Variants in MAN2B1 observed in about 807,000 individuals in gnomAD.
The protein encoded by MAN2B1 is lysosomal alpha-mannosidase.
MAN2B1 carries 99 observed loss-of-function variants against 127.5 expected under a neutral mutation model. The ratio of observed to expected loss-of-function variants is 0.78; its 90% CI spans 0.66 to 0.92. MAN2B1 has a LOEUF of 0.92. Among genes scored for constraint, MAN2B1 ranks in the 40% least tolerant of loss-of-function variants. MAN2B1 has a pLI of 0.00. For synonymous variants in MAN2B1, 573 were observed against 568.8 expected (o/e 1.01, Z -0.11); for missense variants, 1,304 against 1,384.8 (o/e 0.94, Z 0.93).
chr19:12,657,011 G>C lies in MAN2B1; in HGVS notation c.1465C>G (p.His489Asp), dbSNP rs746438346. ...TTTAGCTGTTGGCAAAAGGTGAAGT[G>C]ATCTTTGAAGCCTCTGAGCCGCGCC... ...ALARLRGFKD[H>D]FTFCQQLNIS... Residue 489 changes from histidine (H) to aspartate (D), a missense_variant, in exon 12 of 24, where the codon CAC (histidine) becomes GAC (aspartate). Coordinates refer to ENST00000456935, the MANE Select transcript of MAN2B1 (RefSeq NM_000528.4). The C allele has an allele frequency of 1.9e-6, 3 of 1,613,388 alleles. No homozygotes were observed. The highest frequency in any genetic ancestry group is 1.3e-5 in the African/African-American group (1 of 74,938).
In MAN2B1 at chr19:12,647,478, G is replaced by A. The variant is rs142248782; in HGVS notation, c.2785C>T (p.Arg929Cys). ...HQFAVGEDSG[R>C]NLSAPVTLNL... is the part of the protein sequence containing the mutation. ...AAGGTAACGGGGGCGCTCAGGTTAC[G>A]TCCGGAATCCTCTCCTACGGCAAAC... Residue 929 changes from arginine to cysteine, a missense_variant, in exon 22 of 24, where the codon CGT becomes TGT. By Grantham distance (180) the Arg-to-Cys change is radical. Coordinates refer to ENST00000456935, the MANE Select transcript of MAN2B1 (RefSeq NM_000528.4). This position sits in a 1 kb window ranked among gnomAD's most constrained non-coding sequence, Gnocchi z 4.9. 2.1e-5 allele frequency: 34 copies of A among 1,614,198 alleles called. No homozygotes were observed. The highest frequency in any genetic ancestry group is 1.1e-4 in the African/African-American group (8 of 75,048).
Position 12,650,153 on chromosome 19 carries a change from C to G in MAN2B1, c.2116G>C (p.Gly706Arg), listed in dbSNP as rs2023808379. 1 of 1,614,108 alleles carries G rather than the reference C, an allele frequency of 6.2e-7. No homozygotes were observed. Among genetic ancestry groups the G allele is most frequent in the East Asian group, 2.2e-5 (1 of 44,870 alleles). Reference protein sequence around the residue: ...WCSQVVRLYPGQRHLELEWSV... With the variant: ...WCSQVVRLYPRQRHLELEWSV... ...CACTCTAGCTCCAGGTGCCGCTGTC[C>G]TGGGTACAGGCGAACCACCTGGGAA... The change falls in exon 17 of 24, where the codon GGA (glycine) becomes CGA (arginine). Residue 706 changes from glycine to arginine, a missense_variant. By Grantham distance (125) the Gly-to-Arg change is moderately radical. Coordinates refer to ENST00000456935, the MANE Select transcript of MAN2B1 (RefSeq NM_000528.4).
At position 12,664,803 on chromosome 19, in the gene MAN2B1, G is replaced by A; in HGVS notation, c.619C>T (p.Leu207=). 6.2e-7 allele frequency: 1 copy of A among 1,613,258 alleles called. No individual in the cohort carries two copies. The highest frequency in any genetic ancestry group is 8.5e-7 in the Non-Finnish European group (1 of 1,179,796). The part of the protein sequence containing the change: ...PFGHSREQAS[L]FAQMGFDGFF... ...GTCCCGGGTCGCACCTGCGCAAACA[G>A]CGAGGCCTGCTCCCGAGAGTGGCCG... The change falls in exon 4 of 24, where the codon CTG becomes TTG. Residue 207 remains leucine (L), a synonymous_variant. Coordinates refer to ENST00000456935, the MANE Select transcript of MAN2B1 (RefSeq NM_000528.4).
In MAN2B1 at chr19:12,664,048, G is replaced by A. The variant is rs8104821; in HGVS notation, c.631-213C>T. Among the ~76,000 whole-genome samples, 42,608 of 151,990 alleles carry A rather than the reference G, an allele frequency of 0.28. 6,867 individuals carry two copies. Among genetic ancestry groups the A allele is most frequent in the Middle Eastern group, 0.43 (127 of 294 alleles). ...TTTTTGAGACCAGCCTGCACAACAC[G>A]GGCAGACTGTCTACAAAAAATTTAA... is the stretch of plus-strand genomic sequence containing the variant. On this transcript the variant is annotated intron_variant, in intron 4 of 23. Coordinates refer to ENST00000456935, the MANE Select transcript of MAN2B1 (RefSeq NM_000528.4).
At position 12,647,274 on chromosome 19, in the gene MAN2B1, A is replaced by T. The variant is rs1196276705; in HGVS notation, c.2882T>A (p.Leu961His). 6 of 1,614,022 alleles carry T rather than the reference A, an allele frequency of 3.7e-6. No individual in the cohort carries two copies. The highest frequency in any genetic ancestry group is 1.3e-5 in the African/African-American group (1 of 74,988). ...CTTGAGCCTGGAGGCTGCCTCGCGG[A>T]GCTGGTTGGCCACCAGCGTGGTCTC... ...LQETTLVANQ[L>H]REAASRLKWT... Residue 961 changes from leucine to histidine, a missense_variant, in exon 23 of 24, where the codon CTC (leucine) becomes CAC (histidine). Leu to His is a moderately conservative substitution (Grantham distance 99). Transcript: ENST00000456935. The surrounding 1 kb of genome is among the most constrained non-coding windows in gnomAD (Gnocchi z 4.9).
Position 12,656,969 on chromosome 19 carries a change from G to T in MAN2B1, c.1507C>A (p.Leu503Ile). The T allele has an allele frequency of 6.2e-7, 1 of 1,613,550 alleles. No homozygotes were observed. Among genetic ancestry groups the T allele is most frequent in the East Asian group, 2.2e-5 (1 of 44,872 alleles). The change falls in exon 12 of 24, where the codon CTC (leucine) becomes ATC (isoleucine). Residue 503 changes from leucine to isoleucine, a missense_variant. Coordinates refer to ENST00000456935, the MANE Select transcript of MAN2B1 (RefSeq NM_000528.4). ...CTCACGCGCGCCGCCGTCTGGCTGA[G>T]CGGGCAGATGCTGATGTTTAGCTGT... ...CQQLNISICP[L>I]SQTAARFQVI...
rs754654189 is a variant in MAN2B1 at position 12,658,530 on chromosome 19, A to G, written c.1027-20T>C. 4 of 1,613,092 alleles carry G rather than the reference A, an allele frequency of 2.5e-6. No homozygotes were observed. In the Admixed American group the frequency reaches 5.0e-5, roughly 20 times the overall value. On this transcript the variant is annotated intron_variant, in intron 7 of 23. Transcript: ENST00000456935. ...TGCCTGCTGCTGGGGGAGGCGACGG[A>G]GTGAGCCCTCGGGAGTCCGCACCTT...
At chr19:12,656,494 G>C in intron 13 of MAN2B1, 77 bp downstream of exon 13, 1 of 979,782 alleles carries the variant, frequency 1.0e-6, no homozygotes. Flanking sequence ...GGAAGCAGGC[G>C]ATATCCATGG....
intron 4 of MAN2B1, among the ~76,000 whole-genome samples, chr19:12,664,508 G>C (rs1468406547): frequency 6.6e-6 from 1 of 152,188 alleles, no homozygotes. Flanking sequence ...GTTTAGGGAG[G>C]AGCCAGGACC....
At chr19:12,657,270 C>T in intron 11 of MAN2B1, 176 bp downstream of exon 11, 1 of 719,810 alleles carries the variant, frequency 1.4e-6, no homozygotes, top group Non-Finnish European at 2.5e-6. Flanking sequence ...CTCCAAAGCC[C>T]CGCCCCGTTC....
chr19:12,656,664 G>A lies in MAN2B1; in HGVS notation c.1551C>T (p.Pro517=), dbSNP rs771310368. 12 of 1,613,882 alleles carry A rather than the reference G, an allele frequency of 7.4e-6. No individual in the cohort carries two copies. Among genetic ancestry groups the A allele is most frequent in the Non-Finnish European group, 9.3e-6 (11 of 1,179,836 alleles). The change falls in exon 13 of 24, where the codon CCC becomes CCT. Residue 517 remains proline, a synonymous_variant. Coordinates refer to ENST00000456935, the MANE Select transcript of MAN2B1 (RefSeq NM_000528.4). ...AARFQVIVYN[P]LGRKVNWMVR... Reference sequence around the variant, plus strand: ...CCATCCAATTCACCTTCCGCCCCAGGGGATTATAAACGATGACCTGGAACT... The same window carrying A: ...CCATCCAATTCACCTTCCGCCCCAGAGGATTATAAACGATGACCTGGAACT...
Position 12,647,739 on chromosome 19 carries a change from C to T in MAN2B1, c.2665-141G>A. 2 of 694,826 alleles carry T rather than the reference C, an allele frequency of 2.9e-6. No individual in the cohort carries two copies. Among genetic ancestry groups the T allele is most frequent in the Non-Finnish European group, 4.8e-6 (2 of 420,310 alleles). The allele number at this position is 694,826 out of a possible 1,614,324, so 43.0% of individuals were successfully genotyped here. ...AGGGGCAAGGCTCAGCCGAGAGGAGCGGCCAGGGCCGTGACAGGGAGGACT... is the reference window on the plus strand; with the variant it reads ...AGGGGCAAGGCTCAGCCGAGAGGAGTGGCCAGGGCCGTGACAGGGAGGACT... On this transcript the variant is annotated intron_variant, in intron 21 of 23. Coordinates refer to ENST00000456935, the MANE Select transcript of MAN2B1 (RefSeq NM_000528.4). This position sits in a 1 kb window ranked among gnomAD's most constrained non-coding sequence, Gnocchi z 4.9.
chr19:12,657,920 A>C (rs1248183884), intron 10 of MAN2B1, 143 bp downstream of exon 10: 1 of 762,788 alleles, frequency 1.3e-6, no homozygotes, highest in South Asian at 1.6e-5. Flanking sequence ...GCACCACTGC[A>C]CTCCAGCCTG....
chr19:12,664,123 G>A (rs922953146), intron 4 of MAN2B1, among the ~76,000 whole-genome samples: 3 of 152,134 alleles, frequency 2.0e-5, no homozygotes, highest in African/African-American at 7.2e-5. Context: ...CTACTAGGGG[G>A]GCTGAGACAG....
At chr19:12,649,301 T>A in intron 19 of MAN2B1, 40 bp downstream of exon 19, 1 of 1,604,158 alleles carries the variant, frequency 6.2e-7, no homozygotes, top group East Asian at 2.2e-5. Context: ...GTGATTCCCT[T>A]TCTATCGAGG....
rs1380713340 is a variant in MAN2B1, at chr19:12,657,492, G to A, written c.1373C>T (p.Ala458Val). Residue 458 changes from alanine to valine, a missense_variant, in exon 11 of 24, where the codon GCC becomes GTC. Transcript: ENST00000456935. ...CGCAAGCTGGCGCGCGTAGTCGTTG[G>A]CCACGTGCTGGCGGGAGGTGCCGCT... The part of the protein sequence containing the change: ...AVSGTSRQHV[A>V]NDYARQLAAG... The A allele has an allele frequency of 6.4e-7, 1 of 1,571,580 alleles. No individual in the cohort carries two copies. The highest frequency in any genetic ancestry group is 1.2e-5 in the South Asian group (1 of 85,688).
intron 6 of MAN2B1, 133 bp from the exon 7 acceptor site, chr19:12,661,509 G>A (rs559829832): frequency 3.1e-5 from 23 of 738,104 alleles, no homozygotes; most frequent in Non-Finnish European, 5.6e-5. Context: ...TGGGAGCGTG[G>A]GGACACAGAT....
In MAN2B1 at chr19:12,649,955, C is replaced by G; in HGVS notation, c.2225G>C (p.Arg742Pro). The change falls in exon 18 of 24, where the codon CGC (arginine) becomes CCC (proline). Residue 742 changes from arginine (R) to proline (P), a missense_variant. Transcript: ENST00000456935. The stretch of plus-strand genomic sequence containing the variant: ...CCGGCCATTGCTGTCTGTGTAGAAG[C>G]GTCCCTTTGTCTCCAGCGGTGTGTC... ...RFDTPLETKG[R>P]FYTDSNGREI... 6.2e-7 allele frequency: 1 copy of G among 1,613,484 alleles called. No individual in the cohort carries two copies. Among genetic ancestry groups the G allele is most frequent in the Non-Finnish European group, 8.5e-7 (1 of 1,179,684 alleles).
At position 12,657,428 on chromosome 19, in the gene MAN2B1, A is replaced by G; in HGVS notation, c.1419+18T>C. The G allele has an allele frequency of 6.5e-7, 1 of 1,544,884 alleles. No individual in the cohort carries two copies. The highest frequency in any genetic ancestry group is 8.7e-7 in the Non-Finnish European group (1 of 1,144,276). On this transcript the variant is annotated intron_variant, in intron 11 of 23. Coordinates refer to ENST00000456935, the MANE Select transcript of MAN2B1 (RefSeq NM_000528.4). ...TCCTGTCTCCACCCCCGTGTCTCCC[A>G]AGTCTCGCCCCGCGCACCTCGCAAG... is the stretch of plus-strand genomic sequence containing the variant.
Sources: allele counts gnomAD v4.1 joint callset (sites outside exome capture counted in the v4.1 genomes callset), GRCh38; gene constraint gnomAD v4.1.1; non-coding constraint Gnocchi (gnomAD v3.1); transcripts MANE v1.5; gene names NCBI Gene and HGNC (gene_info 2026-07-23, HGNC 2026-07-21).